The following PABPC1 variants were observed in gnomAD, a reference collection of about 807,000 sequenced individuals.
PABPC1 encodes the protein poly(A) binding protein cytoplasmic 1.
Under a neutral mutation model 74.0 loss-of-function variants are expected in PABPC1, and 4 were observed. The ratio of observed to expected loss-of-function variants is 0.05; its 90% confidence interval spans 0.03 to 0.12. The LOEUF is 0.12. Ranked by LOEUF, PABPC1 falls within the 10% of genes least tolerant of loss-of-function variation. The probability of loss-of-function intolerance (pLI) is 1.00; values close to 1 mark genes in which losing one functional copy is unlikely to be tolerated. For synonymous variants in PABPC1, 227 were observed against 264.1 expected (o/e 0.86, Z 1.36); for missense variants, 271 against 821.1 (o/e 0.33, Z 8.19).
chr8:100,706,542 C>G (rs1242259248), intron 11 of PABPC1, 109 bp downstream of exon 11: 4 of 949,150 alleles, frequency 4.2e-6, no homozygotes, highest in Non-Finnish European at 6.3e-6. Flanking sequence ...CTGCCTCAAC[C>G]TCCCAAAGTG....
At chr8:100,719,154 T>C (rs1383647614) in intron 1 of PABPC1, among the ~76,000 whole-genome samples, 2 of 152,166 alleles carry the variant, frequency 1.3e-5, no homozygotes, top group Non-Finnish European at 2.9e-5. Flanking sequence ...AGGCTCTAAA[T>C]GAAATAACAC....
intron 9 of PABPC1, among the ~76,000 whole-genome samples, chr8:100,707,678 C>T (rs775763722): frequency 1.1e-4 from 17 of 152,186 alleles, no homozygotes; most frequent in Non-Finnish European, 1.5e-4. Flanking sequence ...CATAGGGAGA[C>T]GGTTAGGCCT....
At chr8:100,705,459 C>T in intron 12 of PABPC1, 130 bp downstream of exon 12, 1 of 727,262 alleles carries the variant, frequency 1.4e-6, no homozygotes, top group South Asian at 1.5e-5. Flanking sequence ...ACCAACTGTA[C>T]TATCATAATC....
At chr8:100,720,565 A>T (rs191716372) in intron 1 of PABPC1, among the ~76,000 whole-genome samples, 121 of 152,358 alleles carry the variant, frequency 7.9e-4, no homozygotes, top group Non-Finnish European at 1.5e-3. Context: ...TTCAGAAGGT[A>T]ACATAATATA....
rs753146448 is a variant in PABPC1 at position 100,721,625 on chromosome 8, C to T, written c.-42G>A. On this transcript the variant is annotated 5_prime_UTR_variant, in exon 1 of 15. Coordinates refer to ENST00000318607, the MANE Select transcript of PABPC1 (RefSeq NM_002568.4). This position sits in a 1 kb window ranked among gnomAD's most constrained non-coding sequence, Gnocchi z 7.4. ...GCAGGGCCACAGGCCGCGACCTTTC[C>T]GTGAGAGGAGGAGAGCGAGTGCCGG... is the stretch of plus-strand genomic sequence containing the variant. The T allele has an allele frequency of 2.3e-5, 28 of 1,215,302 alleles. No individual in the cohort carries two copies. Among genetic ancestry groups the T allele is most frequent in the Non-Finnish European group, 2.7e-5 (25 of 940,532 alleles). The allele number at this position is 1,215,302 out of a possible 1,614,324, so 75.3% of individuals were successfully genotyped here.
At chr8:100,717,469 G>A (rs1036953489) in intron 3 of PABPC1, among the ~76,000 whole-genome samples, 3 of 152,120 alleles carry the variant, frequency 2.0e-5, no homozygotes, top group African/African-American at 7.2e-5. Context: ...TTTTGAAAAA[G>A]CTACATTTTT....
At chr8:100,719,665 G>A (rs1374548652) in intron 1 of PABPC1, among the ~76,000 whole-genome samples, 2 of 152,134 alleles carry the variant, frequency 1.3e-5, no homozygotes, top group African/African-American at 4.8e-5. Context: ...TGTAACCACG[G>A]CAACCTGAAG....
At position 100,709,774 on chromosome 8, in the gene PABPC1, G is replaced by A. The variant is rs764265494; in HGVS notation, c.973-43C>T. The A allele has an allele frequency of 7.2e-6, 11 of 1,538,292 alleles. No homozygotes were observed. The South Asian group carries it at 7.4e-5, about 10-fold the overall frequency. On this transcript the variant is annotated intron_variant, in intron 7 of 14. Transcript: ENST00000318607. Reference sequence around the variant, plus strand: ...AAAAAAGTTAACGTAATGGTAGAATGAGGAGCAAAAAAAGAGCGTTACAAT... The same window carrying A: ...AAAAAAGTTAACGTAATGGTAGAATAAGGAGCAAAAAAAGAGCGTTACAAT...
At chr8:100,711,878 A>C (rs923058381) in intron 7 of PABPC1, among the ~76,000 whole-genome samples, 14 of 152,264 alleles carry the variant, frequency 9.2e-5, no homozygotes, top group Non-Finnish European at 2.1e-4. Context: ...GATGCTAGAC[A>C]AAAACATCTA....
intron 12 of PABPC1, 75 bp from the exon 13 acceptor site, chr8:100,705,131 T>C: frequency 8.0e-7 from 1 of 1,245,814 alleles, no homozygotes; most frequent in Non-Finnish European, 1.1e-6. Context: ...CACATTAAAC[T>C]GGGGTTTAAG....
Position 100,715,165 on chromosome 8 carries a change from A to C in PABPC1, c.643+297T>G, listed in dbSNP as rs74983153. ...CACACACACACACACACACATATAT[A>C]TCTCCAGCCTCTTAATGTAGTAAAA... On this transcript the variant is annotated intron_variant, in intron 4 of 14. Transcript: ENST00000318607. 9.5e-4 allele frequency among the ~76,000 whole-genome samples: 142 copies of C among 148,970 alleles called. 2 individuals are homozygous for C. The highest frequency in any genetic ancestry group is 3.1e-3 in the African/African-American group (121 of 39,018).
chr8:100,712,605 G>T lies in PABPC1; in HGVS notation c.876+47C>A, dbSNP rs747489240. 9 of 1,576,370 alleles carry T rather than the reference G, an allele frequency of 5.7e-6. No homozygotes were observed. The African/African-American group carries it at 1.2e-4, about 22-fold the overall frequency. On this transcript the variant is annotated intron_variant, in intron 6 of 14. Transcript: ENST00000318607. ...AAGTAACTGAAATCAACGTAAAATAGGTTTCCTCATCCCTGTCTTATTTTG... is the reference window on the plus strand; with the variant it reads ...AAGTAACTGAAATCAACGTAAAATATGTTTCCTCATCCCTGTCTTATTTTG...
intron 4 of PABPC1, among the ~76,000 whole-genome samples, chr8:100,714,789 T>TG (rs964075386): frequency 6.6e-6 from 1 of 152,120 alleles, no homozygotes; most frequent in Non-Finnish European, 1.5e-5. Context: ...AAGACACCTC[T>TG]AAGTTCAACA....
At chr8:100,717,960 T>G in intron 2 of PABPC1, 72 bp from the exon 3 acceptor site, 1 of 1,356,052 alleles carries the variant, frequency 7.4e-7, no homozygotes, top group Non-Finnish European at 1.1e-6. Flanking sequence ...TGAGAGACAA[T>G]CTGTTAGCCA....
chr8:100,715,663 G>T, intron 3 of PABPC1, 62 bp from the exon 4 acceptor site: 2 of 1,241,460 alleles, frequency 1.6e-6, no homozygotes, highest in Non-Finnish European at 1.1e-6. Flanking sequence ...GATTAAGTAA[G>T]CCTGATGGTT....
At position 100,717,905 on chromosome 8, in the gene PABPC1, A is replaced by G. The variant is rs1554596749; in HGVS notation, c.388-17T>C. On this transcript the variant is annotated splice_polypyrimidine_tract_variant and intron_variant, in intron 2 of 14. Transcript: ENST00000318607. ...ACAAACCACCTAGGGAAAAACATAT[A>G]CCCATTTTTCTTTATTTGCTATTGA... 6.9e-7 allele frequency: 1 copy of G among 1,457,816 alleles called. No homozygotes were observed. Among genetic ancestry groups the G allele is most frequent in the African/African-American group, 1.4e-5 (1 of 70,486 alleles). 90.3% of individuals were successfully genotyped at this position (1,457,816 alleles called of 1,614,324 possible). A position where few individuals can be genotyped will look rare whatever the true frequency, so the allele number is the denominator to read the frequency against.
At chr8:100,711,877 C>T (rs1810535906) in intron 7 of PABPC1, among the ~76,000 whole-genome samples, 1 of 152,204 alleles carries the variant, frequency 6.6e-6, no homozygotes, top group Non-Finnish European at 1.5e-5. Flanking sequence ...GGATGCTAGA[C>T]AAAAACATCT....
At position 100,721,939 on chromosome 8, in the gene PABPC1, G is replaced by A. The variant is rs1006271718; in HGVS notation, c.-356C>T. The A allele has an allele frequency of 4.7e-6, 1 of 214,476 alleles. No homozygotes were observed. Among genetic ancestry groups the A allele is most frequent in the African/African-American group, 2.3e-5 (1 of 43,946 alleles). 13.3% of individuals were successfully genotyped at this position (214,476 alleles called of 1,614,324 possible). On this transcript the variant is annotated 5_prime_UTR_variant, in exon 1 of 15. Transcript: ENST00000318607. This position sits in a 1 kb window ranked among gnomAD's most constrained non-coding sequence, Gnocchi z 7.4. ...AGGAAGAAAAAAAATAAAAGTCTCC[G>A]GCGGGGGAGACGCGGATTTTTTGTA... is the stretch of plus-strand genomic sequence containing the variant.
At chr8:100,713,904 T>C (rs1332157754) in intron 4 of PABPC1, among the ~76,000 whole-genome samples, 1 of 143,204 alleles carries the variant, frequency 7.0e-6, no homozygotes, top group Non-Finnish European at 1.5e-5. Context: ...ACATAGGTAA[T>C]ACAGGAATTT....
Sources: gnomAD v4.1 joint callset for allele counts (sites outside exome capture counted in the v4.1 genomes callset) on GRCh38, gnomAD v4.1.1 for gene constraint, Gnocchi (gnomAD v3.1) non-coding constraint, MANE v1.5 for transcripts, NCBI Gene and HGNC (gene_info 2026-07-23, HGNC 2026-07-21) for gene names.